GALNT18: variants seen among roughly 807,000 people sequenced by gnomAD.
GALNT18 encodes the protein GalNAc-transferase 18.
A neutral mutation model predicts 69.5 loss-of-function variants in GALNT18; 44 were observed. The observed-to-expected ratio is 0.63, with a 90% confidence interval of 0.50 to 0.81. GALNT18 has a LOEUF of 0.81. Ranked by LOEUF, GALNT18 falls within the 40% of genes least tolerant of loss-of-function variation. The pLI, the probability that GALNT18 is intolerant of heterozygous loss-of-function variation, is 0.00. For missense variants in GALNT18, 715 were observed against 810.0 expected (o/e 0.88, Z 1.42); for synonymous variants, 364 against 318.2 (o/e 1.14, Z -1.53).
At chr11:11,271,500 G>A (rs1241715933) in intron 10 of GALNT18, among the ~76,000 whole-genome samples, 2 of 152,318 alleles carry the variant, frequency 1.3e-5, no homozygotes, top group African/African-American at 2.4e-5. Context: ...TGTCTTCACA[G>A]AGCCCTAGTT....
chr11:11,568,354 G>A (rs11021936), intron 1 of GALNT18, among the ~76,000 whole-genome samples: 32,845 of 151,908 alleles, frequency 0.22, 4,493 homozygotes, highest in South Asian at 0.38. Flanking sequence ...CCTATGTCCT[G>A]TGGCTCCTAT....
intron 1 of GALNT18, among the ~76,000 whole-genome samples, chr11:11,516,524 A>G (rs756405494): frequency 6.6e-6 from 1 of 152,184 alleles, no homozygotes; most frequent in Non-Finnish European, 1.5e-5. Context: ...CCAGCTACTC[A>G]GGAGGCTGAG....
chr11:11,434,484 C>T (rs11021852), intron 2 of GALNT18, among the ~76,000 whole-genome samples: 27,354 of 151,962 alleles, frequency 0.18, 3,568 homozygotes, highest in East Asian at 0.46. Flanking sequence ...CAGATACATA[C>T]GGAAGAAAAA....
Position 11,523,985 on chromosome 11 carries a change from C to G in GALNT18, c.236-75049G>C, listed in dbSNP as rs4910013. Among the ~76,000 whole-genome samples, 137,947 of 152,132 alleles carry G rather than the reference C, an allele frequency of 0.91. 62,636 individuals carry two copies. The highest frequency in any genetic ancestry group is 0.93 in the Non-Finnish European group (63,357 of 68,014). ...CTGGGCACTGCATTGCAGCTACCAG[C>G]ACCCCAAGAACTCAAGGCTCCTGGC... is the stretch of plus-strand genomic sequence containing the variant. On this transcript the variant is annotated intron_variant, in intron 1 of 10. Transcript: ENST00000227756. This position sits in a 1 kb window ranked among gnomAD's most constrained non-coding sequence, Gnocchi z 4.3.
intron 1 of GALNT18, among the ~76,000 whole-genome samples, chr11:11,554,955 C>T (rs548146771): frequency 6.6e-6 from 1 of 152,308 alleles, no homozygotes; most frequent in African/African-American, 2.4e-5. Flanking sequence ...TCCTGCGCAG[C>T]CTCCTGGGAA....
chr11:11,352,977 C>T (rs755411631), intron 6 of GALNT18: 22 of 1,614,124 alleles, frequency 1.4e-5, no homozygotes, highest in East Asian at 2.2e-5. Context: ...ACTGTATTTA[C>T]CTCGGCCTAA....
intron 1 of GALNT18, among the ~76,000 whole-genome samples, chr11:11,610,505 T>C (rs914831800): frequency 6.6e-6 from 1 of 152,240 alleles, no homozygotes; most frequent in Non-Finnish European, 1.5e-5. Context: ...CTTCTCCAGA[T>C]GAATTCAGAC....
chr11:11,275,871 T>G (rs1339459837), intron 10 of GALNT18, among the ~76,000 whole-genome samples: 2 of 152,244 alleles, frequency 1.3e-5, no homozygotes, highest in Non-Finnish European at 2.9e-5. Context: ...CTGAGGGCTC[T>G]GTTCTGTTCC....
At chr11:11,321,278 T>C (rs1326461478) in intron 9 of GALNT18, among the ~76,000 whole-genome samples, 1 of 152,208 alleles carries the variant, frequency 6.6e-6, no homozygotes, top group Non-Finnish European at 1.5e-5. Context: ...AGAACCATCC[T>C]TACCTTTGGG....
rs1314486275 is a variant in GALNT18 at position 11,461,249 on chromosome 11, T to G, written c.236-12313A>C. ...ACTTCTGGGCCTGGGTGTGTCTGAGTGTGCGGCTAGGATGGCTGGTGCAGG... is the reference window on the plus strand; with the variant it reads ...ACTTCTGGGCCTGGGTGTGTCTGAGGGTGCGGCTAGGATGGCTGGTGCAGG... On this transcript the variant is annotated intron_variant, in intron 1 of 10. Transcript: ENST00000227756. This position sits in a 1 kb window ranked among gnomAD's most constrained non-coding sequence, Gnocchi z 4.1. Among the ~76,000 whole-genome samples the G allele has an allele frequency of 6.6e-6, 1 of 152,060 alleles. No homozygotes were observed. The highest frequency in any genetic ancestry group is 1.5e-5 in the Non-Finnish European group (1 of 68,002).
chr11:11,409,518 C>T (rs113412077), intron 3 of GALNT18, among the ~76,000 whole-genome samples: 5 of 152,118 alleles, frequency 3.3e-5, no homozygotes, highest in African/African-American at 9.7e-5. Context: ...CAGCCAGGTC[C>T]TCTAGGGGAC....
At chr11:11,325,538 A>AAAT (rs1849902462) in intron 9 of GALNT18, among the ~76,000 whole-genome samples, 1 of 152,192 alleles carries the variant, frequency 6.6e-6, no homozygotes, top group Non-Finnish European at 1.5e-5. Flanking sequence ...AAAATTAAAA[A>AAAT]AATATAATTA....
intron 1 of GALNT18, among the ~76,000 whole-genome samples, chr11:11,498,757 C>G (rs1856917408): frequency 6.6e-6 from 1 of 152,056 alleles, no homozygotes; most frequent in Non-Finnish European, 1.5e-5. Context: ...CAAGATCATG[C>G]CACTGCACTC....
chr11:11,566,273 C>A (rs944235733), intron 1 of GALNT18, among the ~76,000 whole-genome samples: 4 of 152,140 alleles, frequency 2.6e-5, no homozygotes, highest in Non-Finnish European at 5.9e-5. Flanking sequence ...AGCTGTAGTG[C>A]AGAAGCAACC....
chr11:11,608,593 C>T (rs895682532), intron 1 of GALNT18, among the ~76,000 whole-genome samples: 1 of 152,126 alleles, frequency 6.6e-6, no homozygotes, highest in African/African-American at 2.4e-5. Context: ...AAACTCCTGA[C>T]CTCATGATCC....
rs528521634 is a variant in GALNT18 at position 11,404,080 on chromosome 11, C to T, written c.596-24816G>A. Reference sequence around the variant, plus strand: ...CCAGAGATACCAGGCAAATGATGAGCGAATGCCCCGCCACTTGCTGGCAGC... The same window carrying T: ...CCAGAGATACCAGGCAAATGATGAGTGAATGCCCCGCCACTTGCTGGCAGC... On this transcript the variant is annotated intron_variant, in intron 3 of 10. Coordinates refer to ENST00000227756, the MANE Select transcript of GALNT18 (RefSeq NM_198516.3). The surrounding 1 kb of genome is among the most constrained non-coding windows in gnomAD (Gnocchi z 4.5). 1.0e-3 allele frequency among the ~76,000 whole-genome samples: 155 copies of T among 152,342 alleles called. 1 individual carries two copies. Among genetic ancestry groups the T allele is most frequent in the Middle Eastern group, 3.4e-3 (1 of 294 alleles).
intron 1 of GALNT18, among the ~76,000 whole-genome samples, chr11:11,458,387 A>C (rs1449296288): frequency 1.3e-5 from 2 of 152,208 alleles, no homozygotes; most frequent in African/African-American, 4.8e-5. Context: ...TTAAATGTAC[A>C]ATTCAATGAT....
chr11:11,550,003 A>G (rs889088387), intron 1 of GALNT18, among the ~76,000 whole-genome samples: 2 of 152,248 alleles, frequency 1.3e-5, no homozygotes, highest in African/African-American at 4.8e-5. Context: ...GAAGGCTCAC[A>G]TTATACAGTG....
At chr11:11,607,138 A>G (rs1859776495) in intron 1 of GALNT18, among the ~76,000 whole-genome samples, 1 of 152,266 alleles carries the variant, frequency 6.6e-6, no homozygotes, top group Non-Finnish European at 1.5e-5. Flanking sequence ...TTTTCTGTTT[A>G]CAAAAATCAA....
Sources: gnomAD v4.1 joint callset for allele counts (sites outside exome capture counted in the v4.1 genomes callset) on GRCh38, gnomAD v4.1.1 for gene constraint, Gnocchi (gnomAD v3.1) non-coding constraint, MANE v1.5 for transcripts, NCBI Gene and HGNC (gene_info 2026-07-23, HGNC 2026-07-21) for gene names.